The following SLC13A3 variants were observed in gnomAD, a reference collection of about 807,000 sequenced individuals.
SLC13A3 encodes the protein solute carrier family 13 member 3.
Under a neutral mutation model 59.0 loss-of-function variants are expected in SLC13A3, and 40 were observed. The observed-to-expected ratio is 0.68, with a 90% CI of 0.53 to 0.88. SLC13A3 has a LOEUF of 0.88. SLC13A3 is among the 40% of genes least tolerant of loss of function. SLC13A3 has a pLI of 0.00. For missense variants in SLC13A3, 699 were observed against 783.2 expected (o/e 0.89, Z 1.28); for synonymous variants, 317 against 330.3 (o/e 0.96, Z 0.44).
intron 5 of SLC13A3, among the ~76,000 whole-genome samples, chr20:46,594,810 C>T (rs748917657): frequency 6.6e-6 from 1 of 151,370 alleles, no homozygotes; most frequent in African/African-American, 2.4e-5. Context: ...AAAATCAAAG[C>T]ATTTTGGAAG....
chr20:46,560,166 AC>A lies in SLC13A3; in HGVS notation c.1664del (p.Gly555ValfsTer9). 6.2e-7 allele frequency: 1 copy of A among 1,614,146 alleles called. No individual in the cohort carries two copies. The highest frequency in any genetic ancestry group is 8.5e-7 in the Non-Finnish European group (1 of 1,180,016). On this transcript the variant is annotated frameshift_variant, in exon 13 of 13. Coordinates refer to ENST00000279027, the MANE Select transcript of SLC13A3 (RefSeq NM_022829.6). LOFTEE classifies it high-confidence loss of function. The stretch of plus-strand genomic sequence containing the variant: ...TCATAGCCAAACTGAGCAGCAGGAC[AC>A]CCATCAGGTTCATCAGGAGGCCTGT... ...VRTGLLMNLM[G>X]VLLLSLAMNT...
intron 1 of SLC13A3, among the ~76,000 whole-genome samples, chr20:46,627,285 A>G (rs847071): frequency 0.48 from 72,710 of 152,078 alleles, 18,374 homozygotes; most frequent in African/African-American, 0.65. Flanking sequence ...CGTTTTCTCA[A>G]GTCTGATTTG....
chr20:46,681,654 T>G (rs1281829696), intron 1 of SLC13A3: 2 of 152,226 alleles, frequency 1.3e-5, no homozygotes, highest in Admixed American at 1.3e-4. Context: ...CTATTGCTTT[T>G]AACAGAATAC....
At chr20:46,573,024 G>C (rs2062044066) in intron 10 of SLC13A3, among the ~76,000 whole-genome samples, 1 of 152,202 alleles carries the variant, frequency 6.6e-6, no homozygotes, top group African/African-American at 2.4e-5. Context: ...GTGTTACCCA[G>C]AACCAGTTAC....
At chr20:46,584,666 G>A (rs1175897222) in intron 8 of SLC13A3, 4 of 227,214 alleles carry the variant, frequency 1.8e-5, no homozygotes, top group African/African-American at 2.3e-5. Flanking sequence ...AGGGTGTTGG[G>A]AACATATGCC....
chr20:46,638,272 G>A (rs564461478), intron 1 of SLC13A3, among the ~76,000 whole-genome samples: 43 of 152,184 alleles, frequency 2.8e-4, no homozygotes, highest in Non-Finnish European at 5.0e-4. Flanking sequence ...AATTCTGAGC[G>A]GGGCCACAGG....
intron 8 of SLC13A3, among the ~76,000 whole-genome samples, chr20:46,587,009 G>A (rs1050837164): frequency 1.3e-5 from 2 of 152,132 alleles, no homozygotes; most frequent in African/African-American, 4.8e-5. Context: ...ATTACAAGAC[G>A]TTGTCTTTTG....
chr20:46,588,427 C>T (rs1054130439), intron 7 of SLC13A3, among the ~76,000 whole-genome samples: 1 of 152,126 alleles, frequency 6.6e-6, no homozygotes, highest in Non-Finnish European at 1.5e-5. Context: ...TCGCGTGTTT[C>T]ATTATCACCA....
chr20:46,585,132 A>G, intron 8 of SLC13A3: 3 of 984,514 alleles, frequency 3.0e-6, no homozygotes, highest in Non-Finnish European at 3.6e-6. Context: ...ACCTGAGTCC[A>G]AGAAAATAAA....
intron 3 of SLC13A3, among the ~76,000 whole-genome samples, chr20:46,604,373 C>T (rs2062414786): frequency 6.6e-6 from 1 of 152,172 alleles, no homozygotes; most frequent in African/African-American, 2.4e-5. Flanking sequence ...TAAATGATAA[C>T]TCAGCTTGTT....
At chr20:46,676,846 G>A (rs1431509173) in intron 1 of SLC13A3, among the ~76,000 whole-genome samples, 1 of 152,234 alleles carries the variant, frequency 6.6e-6, no homozygotes, top group East Asian at 1.9e-4. Flanking sequence ...AACTGCAGGG[G>A]TTCAGGCAAA....
At chr20:46,583,161 A>G (rs2062155346) in intron 9 of SLC13A3, 1 of 738,324 alleles carries the variant, frequency 1.4e-6, no homozygotes, top group African/African-American at 1.9e-5. Context: ...TTGTGTAGGT[A>G]CTTATATAAC....
intron 1 of SLC13A3, among the ~76,000 whole-genome samples, chr20:46,682,537 G>A (rs192065705): frequency 7.2e-5 from 11 of 152,084 alleles, no homozygotes; most frequent in Admixed American, 3.3e-4. Context: ...AGTGTTGGTC[G>A]CATCTCGGTG....
At chr20:46,583,707 A>T (rs947776623) in intron 8 of SLC13A3, 38 bp from the exon 9 acceptor site, 2 of 1,612,852 alleles carry the variant, frequency 1.2e-6, no homozygotes, top group East Asian at 4.5e-5. Flanking sequence ...GACCATGGGC[A>T]TCTCAGCGGG....
intron 1 of SLC13A3, among the ~76,000 whole-genome samples, chr20:46,632,906 T>TAGCTCTTTATCTACCCACCC (rs1555881863): frequency 0.031 from 1,775 of 57,524 alleles, 90 homozygotes; most frequent in East Asian, 0.062. Flanking sequence ...GATAGATAGA[T>TAGCTCTTTATCTACCCACCC]AGATATATCT....
At chr20:46,629,325 A>G (rs1041623385) in intron 1 of SLC13A3, among the ~76,000 whole-genome samples, 9 of 152,152 alleles carry the variant, frequency 5.9e-5, no homozygotes, top group African/African-American at 2.2e-4. Flanking sequence ...CTGGATATCC[A>G]TAAGGTTTTT....
chr20:46,578,155 C>A (rs2146103077), intron 9 of SLC13A3, among the ~76,000 whole-genome samples: 1 of 151,724 alleles, frequency 6.6e-6, no homozygotes, highest in East Asian at 2.0e-4. Flanking sequence ...TGGTCTCGAT[C>A]TCCTGACCTC....
Position 46,563,504 on chromosome 20 carries a change from T to C in SLC13A3, c.1542A>G (p.Thr514=). ...VHPLYLMIPG[T]VGCSFAFMLP... is the part of the protein sequence containing the mutation. ...GCATGAAGGCAAAGGAGCAGCCGACTGTGCCCGGAATCATCAGATACAGGG... is the reference window on the plus strand; with the variant it reads ...GCATGAAGGCAAAGGAGCAGCCGACCGTGCCCGGAATCATCAGATACAGGG... Residue 514 remains threonine (T), a synonymous_variant, in exon 12 of 13, where the codon ACA becomes ACG. Transcript: ENST00000279027. 1 of 1,614,100 alleles carries C rather than the reference T, an allele frequency of 6.2e-7. No individual in the cohort carries two copies. Among genetic ancestry groups the C allele is most frequent in the Non-Finnish European group, 8.5e-7 (1 of 1,180,014 alleles).
intron 4 of SLC13A3, among the ~76,000 whole-genome samples, chr20:46,596,583 A>G (rs2062315414): frequency 6.6e-6 from 1 of 152,180 alleles, no homozygotes; most frequent in Non-Finnish European, 1.5e-5. Flanking sequence ...TATAATTTAA[A>G]TGAAGGACAG....
Sources: gnomAD v4.1 joint callset for allele counts (sites outside exome capture counted in the v4.1 genomes callset) on GRCh38, gnomAD v4.1.1 for gene constraint, MANE v1.5 for transcripts, NCBI Gene and HGNC (gene_info 2026-07-23, HGNC 2026-07-21) for gene names.